Variants in SLC25A48 observed in about 807,000 individuals in gnomAD.
SLC25A48 encodes the protein solute carrier family 25 member 48, also known as CTC-321K16.1.
In SLC25A48, 29 loss-of-function variants were observed where a neutral mutation model predicts 32.2. The ratio of observed to expected loss-of-function variants is 0.90; its 90% CI spans 0.67 to 1.23. SLC25A48 has a LOEUF of 1.23. SLC25A48 is among the 50% of genes most tolerant of loss of function. The pLI is 0.00. For synonymous variants in SLC25A48, 164 were observed against 172.3 expected (o/e 0.95, Z 0.38); for missense variants, 399 against 422.7 (o/e 0.94, Z 0.49).
intron 1 of SLC25A48, among the ~76,000 whole-genome samples, chr5:135,604,775 T>C (rs1751891581): frequency 6.6e-6 from 1 of 152,134 alleles, no homozygotes; most frequent in Non-Finnish European, 1.5e-5. Context: ...TCATAAAAGG[T>C]CAGGTGTCCA....
intron 3 of SLC25A48, among the ~76,000 whole-genome samples, chr5:135,740,531 G>T (rs945359282): frequency 2.6e-5 from 4 of 152,148 alleles, no homozygotes; most frequent in African/African-American, 7.2e-5. Context: ...GGCACTGTGT[G>T]CATGTTATTT....
chr5:135,620,556 C>T lies in SLC25A48; in HGVS notation c.-848-8681C>T, dbSNP rs146831126. On this transcript the variant is annotated intron_variant, in intron 1 of 10. Coordinates refer to the SLC25A48 transcript ENST00000646290. ...GCAATCTTTACTCATACTTCAGCCCCGCAGCAGACTGCAGGTGGTAATTGC... is the reference window on the plus strand; with the variant it reads ...GCAATCTTTACTCATACTTCAGCCCTGCAGCAGACTGCAGGTGGTAATTGC... Among the ~76,000 whole-genome samples, 39 of 152,204 alleles carry T rather than the reference C, an allele frequency of 2.6e-4. No homozygotes were observed. In the East Asian group the frequency reaches 4.3e-3, roughly 17 times the overall value.
intron 3 of SLC25A48, among the ~76,000 whole-genome samples, chr5:135,785,683 C>T (rs1756824197): frequency 6.7e-6 from 1 of 149,404 alleles, no homozygotes; most frequent in African/African-American, 2.5e-5. Flanking sequence ...GTGGAACACC[C>T]CTTGCCCAGT....
chr5:135,871,476 A>G lies in SLC25A48; in HGVS notation c.437A>G (p.Lys146Arg), dbSNP rs991692629. 1.3e-6 allele frequency: 2 copies of G among 1,590,068 alleles called. No individual in the cohort carries two copies. The highest frequency in any genetic ancestry group is 1.7e-6 in the Non-Finnish European group (2 of 1,164,226). Residue 146 changes from lysine (K) to arginine (R), a missense_variant, in exon 5 of 8, where the codon AAG (lysine) becomes AGG (arginine). Physicochemically the swap from Lys to Arg is conservative, Grantham distance 26. Coordinates refer to ENST00000681962, the MANE Select transcript of SLC25A48 (RefSeq NM_001349336.2). ...GTCTTTGCAGCCAACCTCGGTTTGA[A>G]GTCCAGGGCAGTGGCTCCTGCGGAG... ...QPFRDANLGL[K>R]SRAVAPAEQP...
At chr5:135,743,074 A>AT (rs1283331243) in intron 3 of SLC25A48, among the ~76,000 whole-genome samples, 12 of 10,932 alleles carry the variant, frequency 1.1e-3, no homozygotes, top group African/African-American at 1.4e-3. Flanking sequence ...CCTTCCCTTC[A>AT]TTTTTTTTTT....
chr5:135,766,061 T>C (rs1471572982), intron 3 of SLC25A48, among the ~76,000 whole-genome samples: 4 of 151,236 alleles, frequency 2.6e-5, no homozygotes, highest in African/African-American at 7.3e-5. Flanking sequence ...ATATGGTTTA[T>C]AGTATCCAGC....
At chr5:135,625,436 G>A (rs941350551) in intron 1 of SLC25A48, among the ~76,000 whole-genome samples, 1 of 152,138 alleles carries the variant, frequency 6.6e-6, no homozygotes, top group Non-Finnish European at 1.5e-5. Flanking sequence ...TCACTGAGAG[G>A]TGAACTTGTT....
chr5:135,821,963 A>G (rs773280629), intron 4 of SLC25A48: 3 of 152,244 alleles, frequency 2.0e-5, no homozygotes, highest in Non-Finnish European at 4.4e-5. Context: ...GGCATTGTGC[A>G]CCTGCCATCT....
rs372297065 is a variant in SLC25A48 at position 135,796,261 on chromosome 5, C to T, written c.-520-16262C>T. ...ATCACGGGGGGAGTACATCACGCCG[C>T]GATGTGGTTCACAATATTCAGCGGG... On this transcript the variant is annotated intron_variant, in intron 3 of 10. Coordinates refer to the SLC25A48 transcript ENST00000646290. Among the ~76,000 whole-genome samples, 61 of 150,668 alleles carry T rather than the reference C, an allele frequency of 4.0e-4. 2 individuals carry two copies. In the South Asian group the frequency reaches 0.012, roughly 29 times the overall value.
intron 3 of SLC25A48, among the ~76,000 whole-genome samples, chr5:135,766,157 G>A (rs184868909): frequency 1.6e-4 from 24 of 151,790 alleles, no homozygotes; most frequent in Non-Finnish European, 3.1e-4. Context: ...GGGAGAGGGT[G>A]ATACTCCCAA....
intron 3 of SLC25A48, among the ~76,000 whole-genome samples, chr5:135,720,087 A>T (rs1318060888): frequency 6.6e-6 from 1 of 152,236 alleles, no homozygotes; most frequent in Non-Finnish European, 1.5e-5. Context: ...AGTCAGCTAA[A>T]GGCTGAAAAA....
rs139167205 is a variant in SLC25A48, at chr5:135,590,651, C to T, written c.-849+11054C>T. Among the ~76,000 whole-genome samples the T allele has an allele frequency of 1.4e-3, 208 of 152,216 alleles. 6 individuals carry two copies. In the East Asian group the frequency reaches 0.033, roughly 24 times the overall value. ...CTGCTGGGGGACCGTAAAGCTTGAA[C>T]GTTTCCAGGGCTGCTGCTGGCCCAC... is the stretch of plus-strand genomic sequence containing the variant. On this transcript the variant is annotated intron_variant, in intron 1 of 10. Transcript: ENST00000646290.
chr5:135,821,892 C>G (rs1053007747), intron 4 of SLC25A48: 1 of 152,326 alleles, frequency 6.6e-6, no homozygotes, highest in South Asian at 2.1e-4. Flanking sequence ...TGTCACGATG[C>G]GGTGCTACTG....
At chr5:135,873,994 C>G (rs753288075) in intron 5 of SLC25A48, 27 bp from the exon 6 acceptor site, 1 of 1,523,702 alleles carries the variant, frequency 6.6e-7, no homozygotes, top group Non-Finnish European at 8.8e-7. Context: ...GAGCTAGCCC[C>G]TGACACCTGT....
chr5:135,762,183 G>A (rs992964201), intron 3 of SLC25A48, among the ~76,000 whole-genome samples: 7 of 152,166 alleles, frequency 4.6e-5, no homozygotes, highest in African/African-American at 9.7e-5. Context: ...TTAAATGGCC[G>A]CACGTGGCCA....
At chr5:135,723,660 C>T (rs1258773955) in intron 3 of SLC25A48, among the ~76,000 whole-genome samples, 1 of 152,122 alleles carries the variant, frequency 6.6e-6, no homozygotes, top group Admixed American at 6.5e-5. Flanking sequence ...CTTCCAGGGC[C>T]TGCCTGTAAG....
intron 3 of SLC25A48, among the ~76,000 whole-genome samples, chr5:135,688,163 A>G (rs765932353): frequency 3.3e-5 from 5 of 152,242 alleles, no homozygotes; most frequent in Non-Finnish European, 5.9e-5. Flanking sequence ...TTCACTTGGT[A>G]TTATGCCCAT....
At chr5:135,814,072 A>G (rs1757656080) in intron 4 of SLC25A48, among the ~76,000 whole-genome samples, 1 of 152,206 alleles carries the variant, frequency 6.6e-6, no homozygotes, top group Non-Finnish European at 1.5e-5. Flanking sequence ...TCCCCCCATC[A>G]TGGAAAACCA....
intron 2 of SLC25A48, among the ~76,000 whole-genome samples, chr5:135,844,680 G>A (rs956166424): frequency 2.6e-5 from 4 of 152,162 alleles, no homozygotes; most frequent in African/African-American, 2.4e-5. Flanking sequence ...AACATCATTC[G>A]ATATATATTA....
Sources: allele counts gnomAD v4.1 joint callset (sites outside exome capture counted in the v4.1 genomes callset), GRCh38; gene constraint gnomAD v4.1.1; transcripts MANE v1.5; gene names NCBI Gene and HGNC (gene_info 2026-07-23, HGNC 2026-07-21).